The following KCNIP4 variants were observed in gnomAD, a reference collection of about 807,000 sequenced individuals.
The protein encoded by KCNIP4 is Kv channel-interacting protein 4.
KCNIP4 carries 12 observed loss-of-function variants against 34.0 expected under a neutral mutation model. The observed-to-expected ratio is 0.35, with a 90% confidence interval of 0.23 to 0.57. The LOEUF is 0.57. Ranked by LOEUF, KCNIP4 falls within the 20% of genes least tolerant of loss-of-function variation. KCNIP4 has a pLI of 0.83. For synonymous variants in KCNIP4, 124 were observed against 102.2 expected, an observed-to-expected ratio of 1.21 and a Z score of -1.29; for missense variants, 238 against 311.7, an observed-to-expected ratio of 0.76 and a Z score of 1.78.
intron 1 of KCNIP4, among the ~76,000 whole-genome samples, chr4:21,672,940 A>T (rs1208021107): frequency 6.6e-6 from 1 of 152,238 alleles, no homozygotes; most frequent in East Asian, 1.9e-4. Context: ...CCTGCCATGC[A>T]GGTTTCTCCA....
At chr4:21,054,697 T>A (rs1666438135) in intron 1 of KCNIP4, among the ~76,000 whole-genome samples, 2 of 115,528 alleles carry the variant, frequency 1.7e-5, no homozygotes, top group African/African-American at 3.6e-5. Context: ...CAAACCTGAA[T>A]ACTCACATGC....
rs994417683 is a variant in KCNIP4 at position 21,021,546 on chromosome 4, A to G, written c.62-138837T>C. On this transcript the variant is annotated intron_variant, in intron 1 of 8. Coordinates refer to ENST00000382152, the MANE Select transcript of KCNIP4 (RefSeq NM_025221.6). ...TTTTCTTTCTTTATATTCTTATTCT[A>G]TAAAATTTTTTCTATTAATTATTTT... Among the ~76,000 whole-genome samples, 6 of 152,120 alleles carry G rather than the reference A, an allele frequency of 3.9e-5. No homozygotes were observed. The East Asian group carries it at 1.2e-3, about 29-fold the overall frequency.
intron 1 of KCNIP4, among the ~76,000 whole-genome samples, chr4:21,872,115 C>T (rs537604587): frequency 2.6e-5 from 4 of 152,188 alleles, no homozygotes; most frequent in African/African-American, 9.6e-5. Flanking sequence ...AATTCCCTGA[C>T]CTGGGAATCT....
chr4:21,075,251 CATT>C (rs1038579982), intron 1 of KCNIP4, among the ~76,000 whole-genome samples: 2 of 152,106 alleles, frequency 1.3e-5, no homozygotes, highest in African/African-American at 4.8e-5. Context: ...TAAAGTCTCT[CATT>C]ATTATTGTGT....
At chr4:21,016,737 A>T (rs1407223660) in intron 1 of KCNIP4, among the ~76,000 whole-genome samples, 1 of 152,082 alleles carries the variant, frequency 6.6e-6, no homozygotes, top group Non-Finnish European at 1.5e-5. Flanking sequence ...CTCAGCCTCC[A>T]GTAGCTGGGA....
intron 6 of KCNIP4, among the ~76,000 whole-genome samples, chr4:20,733,598 T>G (rs1189547879): frequency 1.3e-5 from 2 of 152,200 alleles, no homozygotes; most frequent in Non-Finnish European, 2.9e-5. Context: ...GCAAGTAGTT[T>G]GTTAGACACA....
At chr4:21,631,812 A>C (rs1745785219) in intron 1 of KCNIP4, among the ~76,000 whole-genome samples, 1 of 152,178 alleles carries the variant, frequency 6.6e-6, no homozygotes, top group Non-Finnish European at 1.5e-5. Flanking sequence ...CTTAAGTGAA[A>C]ATTGATTTTC....
intron 1 of KCNIP4, among the ~76,000 whole-genome samples, chr4:21,087,036 G>T (rs1746507996): frequency 6.8e-6 from 1 of 146,846 alleles, no homozygotes. Context: ...CTGAAGTGCA[G>T]TGGCACGATC....
intron 1 of KCNIP4, among the ~76,000 whole-genome samples, chr4:21,448,378 G>T (rs1328531834): frequency 1.3e-5 from 2 of 152,106 alleles, no homozygotes; most frequent in Non-Finnish European, 2.9e-5. Context: ...CTGGAAACTG[G>T]AGGAAAGGCA....
intron 1 of KCNIP4, among the ~76,000 whole-genome samples, chr4:21,330,406 G>T (rs1715513095): frequency 6.6e-6 from 1 of 152,102 alleles, no homozygotes; most frequent in South Asian, 2.1e-4. Context: ...TGGAATCAAA[G>T]TTATAAGAGC....
At chr4:20,918,212 A>G (rs79648734) in intron 1 of KCNIP4, among the ~76,000 whole-genome samples, 2 of 152,182 alleles carry the variant, frequency 1.3e-5, no homozygotes, top group Non-Finnish European at 2.9e-5. Flanking sequence ...TGAGGTGTTA[A>G]TCTTACAGAG....
At chr4:21,855,590 T>C (rs1374584214) in intron 1 of KCNIP4, 1 of 152,204 alleles carries the variant, frequency 6.6e-6, no homozygotes. Flanking sequence ...CAGTTTCTTT[T>C]TTCTGGGACC....
chr4:21,416,741 C>T (rs1053690873), intron 1 of KCNIP4, among the ~76,000 whole-genome samples: 5 of 152,170 alleles, frequency 3.3e-5, no homozygotes, highest in African/African-American at 1.2e-4. Flanking sequence ...TCCTGGAATA[C>T]ATAAGTTTAT....
At chr4:21,332,853 A>C (rs1560298286) in intron 1 of KCNIP4, among the ~76,000 whole-genome samples, 1 of 152,094 alleles carries the variant, frequency 6.6e-6, no homozygotes, top group Non-Finnish European at 1.5e-5. Context: ...AGTGACTTCC[A>C]ATTTTATTTA....
intron 3 of KCNIP4, among the ~76,000 whole-genome samples, chr4:20,804,805 T>C (rs955314552): frequency 2.6e-5 from 4 of 152,170 alleles, no homozygotes; most frequent in East Asian, 3.8e-4. Context: ...CGGAAACAAC[T>C]GGATCAAAAT....
chr4:21,286,707 A>G (rs1763142391), intron 1 of KCNIP4, among the ~76,000 whole-genome samples: 1 of 152,172 alleles, frequency 6.6e-6, no homozygotes, highest in Non-Finnish European at 1.5e-5. Context: ...AATTTTCACA[A>G]GTTTTTCAGG....
chr4:20,984,762 T>C (rs972899130), intron 1 of KCNIP4, among the ~76,000 whole-genome samples: 3 of 152,170 alleles, frequency 2.0e-5, no homozygotes, highest in East Asian at 3.9e-4. Flanking sequence ...AAGATGTTCA[T>C]AACTGCCCCC....
intron 1 of KCNIP4, among the ~76,000 whole-genome samples, chr4:21,061,646 A>G (rs902006550): frequency 6.6e-6 from 1 of 152,128 alleles, no homozygotes; most frequent in African/African-American, 2.4e-5. Context: ...AAAGACTTTT[A>G]TTTTAAAAAT....
chr4:21,474,143 T>A (rs536057393), intron 1 of KCNIP4, among the ~76,000 whole-genome samples: 5 of 152,160 alleles, frequency 3.3e-5, no homozygotes, highest in Non-Finnish European at 7.4e-5. Flanking sequence ...AATGGCAGAA[T>A]CCTAGGGTAA....
Sources: gnomAD v4.1 joint callset for allele counts (sites outside exome capture counted in the v4.1 genomes callset) on GRCh38, gnomAD v4.1.1 for gene constraint, MANE v1.5 for transcripts, NCBI Gene and HGNC (gene_info 2026-07-23, HGNC 2026-07-21) for gene names.